Variants in ST6GAL1 observed in about 807,000 individuals in gnomAD.
ST6GAL1 encodes beta-galactoside alpha-2,6-sialyltransferase 1.
ST6GAL1 carries 20 observed loss-of-function variants against 38.0 expected under a neutral mutation model. That is an observed-to-expected ratio of 0.53 (90% CI 0.37 to 0.77). The LOEUF (loss-of-function observed/expected upper bound fraction) is 0.77. Ranked by LOEUF, ST6GAL1 falls within the 30% of genes least tolerant of loss-of-function variation. The pLI is 0.00. For synonymous variants in ST6GAL1, 196 were observed against 188.2 expected (o/e 1.04, Z -0.34); for missense variants, 432 against 496.4 (o/e 0.87, Z 1.23).
chr3:187,046,033 A>G (rs952692037), intron 4 of ST6GAL1, among the ~76,000 whole-genome samples: 12 of 152,132 alleles, frequency 7.9e-5, no homozygotes, highest in African/African-American at 2.2e-4. Context: ...AGCCATGGAG[A>G]GCCCTAGGAG....
intron 2 of ST6GAL1, among the ~76,000 whole-genome samples, chr3:187,001,116 A>C (rs559964077): frequency 3.4e-4 from 51 of 152,226 alleles, no homozygotes; most frequent in Non-Finnish European, 6.0e-4. Context: ...CAAGCTGGCC[A>C]TGTGGCTTCA....
chr3:187,017,637 G>T (rs774719361), intron 2 of ST6GAL1, among the ~76,000 whole-genome samples: 2 of 152,194 alleles, frequency 1.3e-5, no homozygotes, highest in African/African-American at 2.4e-5. Context: ...TTGTTAAGAC[G>T]AGCGAGGTAA....
chr3:186,952,774 T>C lies in ST6GAL1; in HGVS notation c.-324-11011T>C, dbSNP rs1714626064. Reference sequence around the variant, plus strand: ...ACCCACACCTTTCCCCTGAGTTCCATGCTCAGATATTCAACCATCTACTTG... The same window carrying C: ...ACCCACACCTTTCCCCTGAGTTCCACGCTCAGATATTCAACCATCTACTTG... On this transcript the variant is annotated intron_variant, in intron 1 of 7. Coordinates refer to ENST00000169298, the MANE Select transcript of ST6GAL1 (RefSeq NM_173216.2). The surrounding 1 kb of genome is among the most constrained non-coding windows in gnomAD (Gnocchi z 4.1). 1.3e-5 allele frequency among the ~76,000 whole-genome samples: 2 copies of C among 152,224 alleles called. No individual in the cohort carries two copies. The highest frequency in any genetic ancestry group is 4.8e-5 in the African/African-American group (2 of 41,462).
At chr3:186,984,011 T>C (rs1328005343) in intron 2 of ST6GAL1, among the ~76,000 whole-genome samples, 1 of 152,186 alleles carries the variant, frequency 6.6e-6, no homozygotes, top group East Asian at 1.9e-4. Flanking sequence ...AAACTCAGAA[T>C]ATCCAAAGCT....
intron 2 of ST6GAL1, among the ~76,000 whole-genome samples, chr3:187,019,714 C>T (rs559076383): frequency 1.6e-4 from 25 of 152,260 alleles, no homozygotes; most frequent in Admixed American, 9.2e-4. Context: ...AGCCAGGACA[C>T]ATGGAGCCCC....
chr3:186,978,365 C>G (rs1373290363), intron 2 of ST6GAL1, among the ~76,000 whole-genome samples: 1 of 152,198 alleles, frequency 6.6e-6, no homozygotes, highest in African/African-American at 2.4e-5. Context: ...AGCCACTAGA[C>G]ACATCATATT....
rs1714614720 is a variant in ST6GAL1 at position 186,952,497 on chromosome 3, T to C, written c.-324-11288T>C. On this transcript the variant is annotated intron_variant, in intron 1 of 7. Coordinates refer to ENST00000169298, the MANE Select transcript of ST6GAL1 (RefSeq NM_173216.2). This position sits in a 1 kb window ranked among gnomAD's most constrained non-coding sequence, Gnocchi z 4.1. ...CCTTTTCTTGGCTCATTTTCTTTTC[T>C]TTTCTTTTCTTTTTTTATTTTTATT... Among the ~76,000 whole-genome samples, 1 of 152,100 alleles carries C rather than the reference T, an allele frequency of 6.6e-6. No individual in the cohort carries two copies. Among genetic ancestry groups the C allele is most frequent in the South Asian group, 2.1e-4 (1 of 4,822 alleles).
rs565615479 is a variant in ST6GAL1, at chr3:187,011,777, G to C, written c.-182-26965G>C. On this transcript the variant is annotated intron_variant, in intron 2 of 7. Coordinates refer to ENST00000169298, the MANE Select transcript of ST6GAL1 (RefSeq NM_173216.2). ...TTTATTTCTGTATCTTCCATGCCCT[G>C]CTGGGCATGAAGGCAGCTATCACAG... is the stretch of plus-strand genomic sequence containing the variant. Among the ~76,000 whole-genome samples, 13 of 152,210 alleles carry C rather than the reference G, an allele frequency of 8.5e-5. No individual in the cohort carries two copies. The South Asian group carries it at 2.5e-3, about 29-fold the overall frequency.
At chr3:187,024,493 TAGAGAGAGAGAG>T (rs61165191) in intron 2 of ST6GAL1, among the ~76,000 whole-genome samples, 8 of 85,800 alleles carry the variant, frequency 9.3e-5, no homozygotes, top group South Asian at 3.5e-4. Context: ...TATATATATA[TAGAGAGAGAGAG>T]AGAGAGAGAG....
chr3:187,076,078 T>G lies in ST6GAL1; in HGVS notation c.*275T>G, dbSNP rs1256829769. On this transcript the variant is annotated 3_prime_UTR_variant, in exon 8 of 8. Transcript: ENST00000169298. ...GACAGCATCCTCCCCGCCTTCCACC[T>G]TGGTAGATGCAAGGTCTATCTCTCC... 5 of 426,300 alleles carry G rather than the reference T, an allele frequency of 1.2e-5. No homozygotes were observed. The highest frequency in any genetic ancestry group is 2.1e-5 in the Non-Finnish European group (5 of 236,140). 26.4% of individuals were successfully genotyped at this position (426,300 alleles called of 1,614,324 possible). A position where few individuals can be genotyped will look rare whatever the true frequency, so the allele number is the denominator to read the frequency against.
At chr3:186,985,886 C>G (rs944319584) in intron 2 of ST6GAL1, among the ~76,000 whole-genome samples, 5 of 152,118 alleles carry the variant, frequency 3.3e-5, no homozygotes, top group African/African-American at 9.7e-5. Context: ...TGTATGTGGG[C>G]ATTTCAGGAC....
chr3:187,064,438 A>C (rs1579376441), intron 5 of ST6GAL1: 1 of 444,306 alleles, frequency 2.3e-6, no homozygotes, highest in East Asian at 7.0e-5. Flanking sequence ...CCGTGGAATC[A>C]GAATCTGACA....
rs555018663 is a variant in ST6GAL1 at position 187,026,997 on chromosome 3, C to T, written c.-182-11745C>T. On this transcript the variant is annotated intron_variant, in intron 2 of 7. Coordinates refer to ENST00000169298, the MANE Select transcript of ST6GAL1 (RefSeq NM_173216.2). ...CCTGGAGGCAGAGCTTGCAGTGAGC[C>T]GAGATCTCACCACTGCACTCCAGCC... Among the ~76,000 whole-genome samples, 6 of 150,562 alleles carry T rather than the reference C, an allele frequency of 4.0e-5. No homozygotes were observed. In the South Asian group the frequency reaches 1.3e-3, roughly 32 times the overall value.
chr3:187,014,249 G>C (rs1033432573), intron 2 of ST6GAL1, among the ~76,000 whole-genome samples: 2 of 152,154 alleles, frequency 1.3e-5, no homozygotes, highest in Admixed American at 1.3e-4. Context: ...AATAAAGCCG[G>C]GATCCAAATC....
chr3:186,940,761 T>C (rs888986162), intron 1 of ST6GAL1, among the ~76,000 whole-genome samples: 2 of 149,092 alleles, frequency 1.3e-5, no homozygotes, highest in African/African-American at 5.0e-5. Flanking sequence ...ACTGTGTGTA[T>C]TGGAGGTCTT....
intron 1 of ST6GAL1, among the ~76,000 whole-genome samples, chr3:186,934,891 C>G (rs988522263): frequency 6.6e-6 from 1 of 151,930 alleles, no homozygotes; most frequent in Non-Finnish European, 1.5e-5. Flanking sequence ...CTCAGCCTCC[C>G]GAGTAGCTGG....
intron 1 of ST6GAL1, among the ~76,000 whole-genome samples, chr3:186,946,013 G>GAGT (rs1714351911): frequency 4.8e-5 from 5 of 103,680 alleles, no homozygotes; most frequent in African/African-American, 1.7e-4. Context: ...AAAAAAGAAG[G>GAGT]GTACCTTTTC....
intron 5 of ST6GAL1, among the ~76,000 whole-genome samples, chr3:187,056,781 T>TG (rs1718716781): frequency 6.6e-6 from 1 of 152,130 alleles, no homozygotes; most frequent in South Asian, 2.1e-4. Context: ...TTATGTGTCT[T>TG]GGGGTTGCTC....
At chr3:186,978,436 C>A (rs1279974598) in intron 2 of ST6GAL1, among the ~76,000 whole-genome samples, 1 of 152,186 alleles carries the variant, frequency 6.6e-6, no homozygotes, top group Non-Finnish European at 1.5e-5. Context: ...CTCCACGTTA[C>A]TCTGTTAACA....
Sources: allele counts gnomAD v4.1 joint callset (sites outside exome capture counted in the v4.1 genomes callset), GRCh38; gene constraint gnomAD v4.1.1; non-coding constraint Gnocchi (gnomAD v3.1); transcripts MANE v1.5; gene names NCBI Gene and HGNC (gene_info 2026-07-23, HGNC 2026-07-21).